PDE4D: variants seen among roughly 807,000 people sequenced by gnomAD.
The protein encoded by PDE4D is 3',5'-cyclic-AMP phosphodiesterase 4D.
A neutral mutation model predicts 87.4 loss-of-function variants in PDE4D; 24 were observed. The ratio of observed to expected loss-of-function variants is 0.27; its 90% CI spans 0.20 to 0.39. The LOEUF is 0.39. Ranked by LOEUF, PDE4D falls within the 10% of genes least tolerant of loss-of-function variation. The pLI, the probability that PDE4D is intolerant of heterozygous loss-of-function variation, is 1.00. For synonymous variants in PDE4D, 384 were observed against 383.2 expected, an observed-to-expected ratio of 1.00 and a Z score of -0.02; for missense variants, 714 against 1,041.0, an observed-to-expected ratio of 0.69 and a Z score of 4.32.
At chr5:59,894,504 T>C (rs1269408242), upstream of PDE4D, among the ~76,000 whole-genome samples, 1 of 152,144 alleles carries the variant, frequency 6.6e-6, no homozygotes. Flanking sequence ...GCCCAATGTT[T>C]CCTCTTGAAG....
intron 1 of PDE4D, among the ~76,000 whole-genome samples, chr5:59,629,277 T>C (rs1308809991): frequency 6.6e-6 from 1 of 152,056 alleles, no homozygotes; most frequent in Admixed American, 6.5e-5. Flanking sequence ...CTCAGTACCC[T>C]AGAATGGGAC....
At chr5:59,308,796 C>G (rs1336146473) in intron 1 of PDE4D, among the ~76,000 whole-genome samples, 1 of 151,880 alleles carries the variant, frequency 6.6e-6, no homozygotes, top group Non-Finnish European at 1.5e-5. Flanking sequence ...TGGGGAGGAA[C>G]CCTAGAACTC....
intron 5 of PDE4D, among the ~76,000 whole-genome samples, chr5:59,107,756 C>A (rs1479702649): frequency 6.6e-6 from 1 of 152,132 alleles, no homozygotes; most frequent in Non-Finnish European, 1.5e-5. Context: ...GTAGGCTCTT[C>A]TTGACTCGGT....
intron 1 of PDE4D, among the ~76,000 whole-genome samples, chr5:60,186,582 C>A (rs933350244): frequency 9.2e-5 from 14 of 151,962 alleles, no homozygotes; most frequent in Non-Finnish European, 4.4e-5. Flanking sequence ...GGATAAAAGG[C>A]TTGGTCAAAC....
chr5:59,496,250 G>A (rs983687309), intron 1 of PDE4D, among the ~76,000 whole-genome samples: 6 of 152,060 alleles, frequency 3.9e-5, no homozygotes, highest in African/African-American at 1.4e-4. Flanking sequence ...TTCCACCAGC[G>A]TGCTCCCCTC....
At chr5:59,111,691 T>C (rs551026515) in intron 5 of PDE4D, among the ~76,000 whole-genome samples, 1 of 152,370 alleles carries the variant, frequency 6.6e-6, no homozygotes, top group Non-Finnish European at 1.5e-5. Flanking sequence ...AGCCACAGCT[T>C]TCCAAGACCA....
At chr5:59,655,573 A>G (rs114469513) in intron 1 of PDE4D, among the ~76,000 whole-genome samples, 89 of 152,042 alleles carry the variant, frequency 5.9e-4, no homozygotes, top group African/African-American at 2.1e-3. Context: ...GTCATTTCCA[A>G]CCTGCTTTAT....
At chr5:59,828,933 T>C (rs1337184187) in intron 1 of PDE4D, among the ~76,000 whole-genome samples, 1 of 151,968 alleles carries the variant, frequency 6.6e-6, no homozygotes, top group African/African-American at 2.4e-5. Context: ...TTGGGAATGA[T>C]GCCTAGGCTA....
At chr5:59,624,327 C>T (rs1830661104) in intron 1 of PDE4D, among the ~76,000 whole-genome samples, 1 of 151,846 alleles carries the variant, frequency 6.6e-6, no homozygotes, top group Non-Finnish European at 1.5e-5. Context: ...GCCCCGATCA[C>T]AATGGTTCTT....
rs547940913 is a variant in PDE4D at position 59,634,515 on chromosome 5, C to A, written c.455+258653G>T. 3.3e-5 allele frequency among the ~76,000 whole-genome samples: 5 copies of A among 152,050 alleles called. No individual in the cohort carries two copies. In the South Asian group the frequency reaches 8.3e-4, roughly 25 times the overall value. On this transcript the variant is annotated intron_variant, in intron 1 of 14. Coordinates refer to ENST00000340635, the MANE Select transcript of PDE4D (RefSeq NM_001104631.2). ...AACACTCCTCAGCAAATGCAAAAAA[C>A]CAGAAATCATAACAAACAGTCTCTC...
intron 1 of PDE4D, among the ~76,000 whole-genome samples, chr5:59,365,096 G>A (rs987256085): frequency 6.6e-6 from 1 of 152,136 alleles, no homozygotes; most frequent in Non-Finnish European, 1.5e-5. Flanking sequence ...AATAAGAAGA[G>A]AAGGAATATA....
chr5:59,074,910 T>G (rs1765425012), intron 5 of PDE4D, among the ~76,000 whole-genome samples: 1 of 152,192 alleles, frequency 6.6e-6, no homozygotes, highest in Non-Finnish European at 1.5e-5. Context: ...CACTTTTTAT[T>G]ATATCATATA....
intron 3 of PDE4D, among the ~76,000 whole-genome samples, chr5:59,939,549 G>A (rs1756956451): frequency 6.6e-6 from 1 of 152,168 alleles, no homozygotes; most frequent in Admixed American, 6.5e-5. Context: ...CTGACCTCGT[G>A]AGGAGGACTG....
chr5:59,599,368 C>CCA (rs1827167622), intron 1 of PDE4D, among the ~76,000 whole-genome samples: 1 of 151,298 alleles, frequency 6.6e-6, no homozygotes, highest in Admixed American at 6.6e-5. Context: ...ATTACAGGCA[C>CCA]CACCACCACA....
chr5:60,278,937 T>A (rs1751626929), intron 1 of PDE4D, among the ~76,000 whole-genome samples: 1 of 152,232 alleles, frequency 6.6e-6, no homozygotes, highest in Non-Finnish European at 1.5e-5. Flanking sequence ...CATTTTGAGA[T>A]CTAGTTCTTG....
At chr5:59,091,998 A>G (rs968915858) in intron 5 of PDE4D, among the ~76,000 whole-genome samples, 1 of 152,140 alleles carries the variant, frequency 6.6e-6, no homozygotes, top group African/African-American at 2.4e-5. Flanking sequence ...TTAGCAAGGT[A>G]AAACACTGAA....
At chr5:59,701,662 G>A (rs1453181118) in intron 1 of PDE4D, among the ~76,000 whole-genome samples, 3 of 152,190 alleles carry the variant, frequency 2.0e-5, no homozygotes, top group Non-Finnish European at 4.4e-5. Context: ...TAGAAGTGCT[G>A]GTTGTGGAAG....
intron 1 of PDE4D, among the ~76,000 whole-genome samples, chr5:59,852,777 C>T (rs1744870279): frequency 6.6e-6 from 1 of 151,702 alleles, no homozygotes; most frequent in African/African-American, 2.4e-5. Flanking sequence ...AGTCCCCTCT[C>T]CAGGTTATAG....
chr5:60,065,302 C>T (rs542531853), intron 2 of PDE4D, among the ~76,000 whole-genome samples: 67 of 151,378 alleles, frequency 4.4e-4, no homozygotes, highest in African/African-American at 1.5e-3. Context: ...TGTTTGTGCA[C>T]GCATGCATCA....
Sources: gnomAD v4.1 joint callset for allele counts (sites outside exome capture counted in the v4.1 genomes callset) on GRCh38, gnomAD v4.1.1 for gene constraint, MANE v1.5 for transcripts, NCBI Gene and HGNC (gene_info 2026-07-23, HGNC 2026-07-21) for gene names.